Variants in PPARGC1A observed in about 807,000 individuals in gnomAD.
PPARGC1A encodes the protein peroxisome proliferator-activated receptor gamma coactivator 1-alpha.
Under a neutral mutation model 88.7 loss-of-function variants are expected in PPARGC1A, and 25 were observed. The ratio of observed to expected loss-of-function variants is 0.28; its 90% CI spans 0.21 to 0.39. The LOEUF (loss-of-function observed/expected upper bound fraction) is 0.39. Ranked by LOEUF, PPARGC1A falls within the 10% of genes least tolerant of loss-of-function variation. The pLI is 1.00. For synonymous variants in PPARGC1A, 363 were observed against 355.6 expected, an observed-to-expected ratio of 1.02 and a Z score of -0.24; for missense variants, 880 against 968.7, an observed-to-expected ratio of 0.91 and a Z score of 1.22.
the PPARGC1A span, among the ~76,000 whole-genome samples, chr4:24,348,990 T>C: frequency 6.6e-6 from 1 of 152,180 alleles, no homozygotes; most frequent in Non-Finnish European, 1.5e-5. Context: ...TCCCACAAGG[T>C]GTTCCCTTGA....
chr4:23,903,563 T>C (rs1251771845), upstream of PPARGC1A, among the ~76,000 whole-genome samples: 4 of 152,080 alleles, frequency 2.6e-5, no homozygotes, highest in Non-Finnish European at 5.9e-5. Flanking sequence ...TTCTTGACTA[T>C]GAGTTCCTGG....
the PPARGC1A span, among the ~76,000 whole-genome samples, chr4:24,462,546 A>G: frequency 2.1e-4 from 32 of 151,942 alleles, no homozygotes; most frequent in Non-Finnish European, 2.9e-5. Context: ...TAGCTGTGTG[A>G]CCTTGGCTAC....
the PPARGC1A span, among the ~76,000 whole-genome samples, chr4:23,959,445 A>G: frequency 3.9e-5 from 6 of 152,100 alleles, no homozygotes; most frequent in Non-Finnish European, 7.4e-5. Flanking sequence ...TTCTCAATTG[A>G]CCAGTATGAT....
At chr4:24,426,403 G>C in the PPARGC1A span, among the ~76,000 whole-genome samples, 2 of 152,126 alleles carry the variant, frequency 1.3e-5, no homozygotes, top group Admixed American at 6.5e-5. Flanking sequence ...CTCCTTGACA[G>C]CATACGAACA....
the PPARGC1A span, among the ~76,000 whole-genome samples, chr4:24,109,275 T>C: frequency 7.1e-6 from 1 of 140,138 alleles, no homozygotes; most frequent in African/African-American, 2.7e-5. Context: ...TTTCTCTCCA[T>C]AGCACTTAAC....
At position 23,873,222 on chromosome 4, in the gene PPARGC1A, AAT is replaced by A. The variant is rs1448263447; in HGVS notation, c.234+11528_234+11529del. 1.4e-3 allele frequency among the ~76,000 whole-genome samples: 197 copies of A among 140,984 alleles called. 18 individuals carry two copies. The highest frequency in any genetic ancestry group is 2.8e-3 in the East Asian group (12 of 4,234). The allele number at this position is 140,984 out of a possible 152,430, so 92.5% of individuals were successfully genotyped here. On this transcript the variant is annotated intron_variant, in intron 2 of 12. Coordinates refer to ENST00000264867, the MANE Select transcript of PPARGC1A (RefSeq NM_013261.5). Reference sequence around the variant, plus strand: ...CAAAAATAAAAAATAAAAAATAAAAAATAAAGAAAAAAATGTGACCAGCCATA... The same window carrying A: ...CAAAAATAAAAAATAAAAAATAAAAAAAAGAAAAAAATGTGACCAGCCATA...
chr4:23,803,200 A>G (rs1029252324), intron 10 of PPARGC1A, among the ~76,000 whole-genome samples: 3 of 152,094 alleles, frequency 2.0e-5, no homozygotes, highest in African/African-American at 7.2e-5. Flanking sequence ...ATTGGGCTTT[A>G]TCTAGTTGTA....
At chr4:23,807,122 A>G (rs1012722622) in intron 10 of PPARGC1A, among the ~76,000 whole-genome samples, 7 of 152,164 alleles carry the variant, frequency 4.6e-5, no homozygotes, top group Non-Finnish European at 4.4e-5. Flanking sequence ...CTGTAACCTG[A>G]CTGCCTCAAA....
At chr4:23,983,006 CAA>C in the PPARGC1A span, among the ~76,000 whole-genome samples, 4 of 152,130 alleles carry the variant, frequency 2.6e-5, no homozygotes, top group Non-Finnish European at 5.9e-5. Context: ...TTTCACACTA[CAA>C]TGGCAGCGCT....
the PPARGC1A span, among the ~76,000 whole-genome samples, chr4:24,103,209 G>A: frequency 6.6e-6 from 1 of 152,216 alleles, no homozygotes; most frequent in East Asian, 1.9e-4. Context: ...CTTTGAAAGG[G>A]GGAAGCCTTG....
the PPARGC1A span, among the ~76,000 whole-genome samples, chr4:24,439,038 A>C: frequency 6.6e-6 from 1 of 152,178 alleles, no homozygotes; most frequent in Non-Finnish European, 1.5e-5. Context: ...GATGAGATAC[A>C]AAATAAATTG....
the PPARGC1A span, among the ~76,000 whole-genome samples, chr4:24,414,057 A>G: frequency 1.3e-5 from 2 of 152,200 alleles, no homozygotes; most frequent in African/African-American, 4.8e-5. Flanking sequence ...AACCACCATG[A>G]GACACTGTCT....
the PPARGC1A span, among the ~76,000 whole-genome samples, chr4:23,932,741 G>A: frequency 6.6e-6 from 1 of 152,116 alleles, no homozygotes; most frequent in African/African-American, 2.4e-5. Flanking sequence ...GAGAACTTAA[G>A]AGGGAAGAAT....
the PPARGC1A span, among the ~76,000 whole-genome samples, chr4:24,421,656 G>A: frequency 1.3e-5 from 2 of 152,106 alleles, no homozygotes; most frequent in Non-Finnish European, 2.9e-5. Flanking sequence ...AGGAGCCCTG[G>A]TCTTCCACGC....
At chr4:24,357,997 A>G in the PPARGC1A span, among the ~76,000 whole-genome samples, 1 of 152,246 alleles carries the variant, frequency 6.6e-6, no homozygotes, top group Non-Finnish European at 1.5e-5. Flanking sequence ...AAGGTGGTTG[A>G]GTCCTTCCTG....
At chr4:24,160,114 A>G in the PPARGC1A span, among the ~76,000 whole-genome samples, 1 of 152,186 alleles carries the variant, frequency 6.6e-6, no homozygotes, top group Non-Finnish European at 1.5e-5. Flanking sequence ...TCTCCTTCTC[A>G]ACCACCTGAC....
the PPARGC1A span, among the ~76,000 whole-genome samples, chr4:24,311,685 A>G: frequency 6.6e-6 from 1 of 152,064 alleles, no homozygotes; most frequent in Non-Finnish European, 1.5e-5. Context: ...GGATAGGTTT[A>G]ACAGCAGAAT....
chr4:24,165,729 C>A, the PPARGC1A span, among the ~76,000 whole-genome samples: 1 of 152,096 alleles, frequency 6.6e-6, no homozygotes, highest in South Asian at 2.1e-4. Context: ...GTGCCATGAT[C>A]CATTACCATA....
upstream of PPARGC1A, among the ~76,000 whole-genome samples, chr4:23,893,730 T>C (rs1331301764): frequency 3.3e-5 from 5 of 152,280 alleles, no homozygotes; most frequent in African/African-American, 1.2e-4. Context: ...AGAAAATTAC[T>C]GTAGTTTTAG....
Sources: gnomAD v4.1 joint callset for allele counts (sites outside exome capture counted in the v4.1 genomes callset) on GRCh38, gnomAD v4.1.1 for gene constraint, MANE v1.5 for transcripts, NCBI Gene and HGNC (gene_info 2026-07-23, HGNC 2026-07-21) for gene names.